The following ZC3H12B variants were observed in gnomAD, a reference collection of about 807,000 sequenced individuals.
The protein encoded by ZC3H12B is zinc finger CCCH-type containing 12B, also known as probable ribonuclease ZC3H12B.
ZC3H12B carries 7 observed loss-of-function variants against 43.9 expected under a neutral mutation model. That is an observed-to-expected ratio of 0.16 (90% CI 0.09 to 0.30). ZC3H12B has a LOEUF of 0.30. ZC3H12B is among the 10% of genes least tolerant of loss of function. The pLI is 1.00. For missense variants in ZC3H12B, 475 were observed against 670.2 expected, an observed-to-expected ratio of 0.71 and a Z score of 3.22; for synonymous variants, 222 against 241.7, an observed-to-expected ratio of 0.92 and a Z score of 0.76.
the ZC3H12B span, among the ~76,000 whole-genome samples, chrX:65,303,952 G>T: frequency 8.9e-6 from 1 of 112,471 alleles, no homozygotes; most frequent in Non-Finnish European, 1.9e-5. Context: ...TTTTGTTAAA[G>T]TGTCAGTTTT....
At chrX:65,186,802 G>A in the ZC3H12B span, among the ~76,000 whole-genome samples, 1 of 111,625 alleles carries the variant, frequency 9.0e-6, no homozygotes, top group South Asian at 3.7e-4. Context: ...TTTCATTCCT[G>A]AGTTGCTTCA....
At chrX:65,056,313 G>T in the ZC3H12B span, among the ~76,000 whole-genome samples, 1 of 111,500 alleles carries the variant, frequency 9.0e-6, no homozygotes, top group Non-Finnish European at 1.9e-5. Context: ...TGGTTTCAAA[G>T]AACATCTTTA....
chrX:65,205,414 T>C, the ZC3H12B span, among the ~76,000 whole-genome samples: 2 of 111,363 alleles, frequency 1.8e-5, no homozygotes, highest in South Asian at 7.4e-4. Context: ...ATAAATAGAA[T>C]TAAAAACAAA....
the ZC3H12B span, among the ~76,000 whole-genome samples, chrX:65,125,504 G>T: frequency 2.7e-4 from 30 of 111,579 alleles, no homozygotes; most frequent in Middle Eastern, 0.019. Context: ...TTGTTGTAGA[G>T]TATAGTTTGA....
At chrX:65,163,724 G>A in the ZC3H12B span, among the ~76,000 whole-genome samples, 167 of 111,650 alleles carry the variant, frequency 1.5e-3, no homozygotes, top group Non-Finnish European at 2.7e-3. Flanking sequence ...TGTGCTTCCC[G>A]AGTGAGGCAA....
the ZC3H12B span, among the ~76,000 whole-genome samples, chrX:65,354,159 G>T: frequency 8.9e-6 from 1 of 112,227 alleles, no homozygotes; most frequent in Non-Finnish European, 1.9e-5. Context: ...TAACTCCTGT[G>T]TATCCTGATG....
chrX:65,043,563 C>A, the ZC3H12B span, among the ~76,000 whole-genome samples: 3 of 110,811 alleles, frequency 2.7e-5, no homozygotes, highest in Admixed American at 2.9e-4. Context: ...TAGATACTAG[C>A]ATCCCATTAA....
chrX:65,128,202 A>C, the ZC3H12B span, among the ~76,000 whole-genome samples: 1 of 112,408 alleles, frequency 8.9e-6, no homozygotes, highest in African/African-American at 3.2e-5. Flanking sequence ...TGATACAGGC[A>C]TGCAGTGTGT....
chrX:65,099,699 C>CCA, the ZC3H12B span, among the ~76,000 whole-genome samples: 2 of 110,729 alleles, frequency 1.8e-5, no homozygotes, highest in Non-Finnish European at 3.8e-5. Flanking sequence ...AAAGGACCCC[C>CCA]CACACACACA....
At chrX:65,059,348 A>G in the ZC3H12B span, among the ~76,000 whole-genome samples, 2 of 110,499 alleles carry the variant, frequency 1.8e-5, no homozygotes, top group African/African-American at 6.6e-5. Context: ...GTAGTTTTAA[A>G]TTTTGAGGTC....
chrX:65,249,610 A>G, the ZC3H12B span, among the ~76,000 whole-genome samples: 1 of 111,042 alleles, frequency 9.0e-6, no homozygotes, highest in Non-Finnish European at 1.9e-5. Context: ...TGATATTTTG[A>G]TGGGAATTGT....
chrX:65,072,896 C>A, the ZC3H12B span, among the ~76,000 whole-genome samples: 1 of 112,598 alleles, frequency 8.9e-6, no homozygotes, highest in East Asian at 2.8e-4. Context: ...TGCACCTGGT[C>A]ATGCCAGTGT....
chrX:65,161,131 T>G, the ZC3H12B span, among the ~76,000 whole-genome samples: 2 of 111,807 alleles, frequency 1.8e-5, no homozygotes, highest in South Asian at 7.5e-4. Context: ...AGAGACACTT[T>G]GTTATAATTT....
chrX:65,280,792 A>G, the ZC3H12B span, among the ~76,000 whole-genome samples: 1 of 111,883 alleles, frequency 8.9e-6, no homozygotes, highest in Non-Finnish European at 1.9e-5. Flanking sequence ...TACAATAGCT[A>G]CCAAAAAAAT....
chrX:65,174,939 CAAAA>C, the ZC3H12B span, among the ~76,000 whole-genome samples: 5 of 101,422 alleles, frequency 4.9e-5, no homozygotes, highest in African/African-American at 1.4e-4. Flanking sequence ...AAAAAACAAA[CAAAA>C]AAAAAAAACT....
chrX:65,213,387 G>T, the ZC3H12B span, among the ~76,000 whole-genome samples: 1 of 111,291 alleles, frequency 9.0e-6, no homozygotes, highest in Non-Finnish European at 1.9e-5. Context: ...CCAATACTCT[G>T]TGAAAATTTC....
the ZC3H12B span, among the ~76,000 whole-genome samples, chrX:65,315,554 G>A: frequency 9.0e-6 from 1 of 111,533 alleles, no homozygotes; most frequent in African/African-American, 3.3e-5. Context: ...GCTGAGCTGA[G>A]CCTAGGCCCC....
the ZC3H12B span, among the ~76,000 whole-genome samples, chrX:65,354,077 G>A: frequency 8.9e-6 from 1 of 111,908 alleles, no homozygotes; most frequent in African/African-American, 3.3e-5. Context: ...GGCTTTGAAG[G>A]GAGAGCACCA....
chrX:65,397,893 A>G (rs1363517313), intron 2 of ZC3H12B, among the ~76,000 whole-genome samples: 2 of 112,180 alleles, frequency 1.8e-5, no homozygotes, highest in East Asian at 2.8e-4. Context: ...CAGAGACTTT[A>G]CCAAAAATCT....
Sources: allele counts gnomAD v4.1 joint callset (sites outside exome capture counted in the v4.1 genomes callset), GRCh38; gene constraint gnomAD v4.1.1; transcripts MANE v1.5; gene names NCBI Gene and HGNC (gene_info 2026-07-23, HGNC 2026-07-21).